Variants in LDLRAD3 observed in about 807,000 individuals in gnomAD.
LDLRAD3 encodes the protein low-density lipoprotein receptor class A domain-containing protein 3.
A neutral mutation model predicts 29.4 loss-of-function variants in LDLRAD3; 20 were observed. That is an observed-to-expected ratio of 0.68 (90% CI 0.48 to 0.99). The LOEUF (loss-of-function observed/expected upper bound fraction) is 0.99, where lower values mean the gene tolerates loss of function less well. Ranked by LOEUF, LDLRAD3 falls within the 50% of genes least tolerant of loss-of-function variation. LDLRAD3 has a pLI of 0.00. For missense variants in LDLRAD3, 420 were observed against 454.3 expected (o/e 0.92, Z 0.69); for synonymous variants, 157 against 192.7 (o/e 0.81, Z 1.53).
rs575229737 is a variant in LDLRAD3, at chr11:36,173,342, C to G, written c.455-53743C>G. ...CTAATGCTATCCCTCCCCCCTCCCC[C>G]CACCCCACAACAGGCCCAGGTGTGT... On this transcript the variant is annotated intron_variant, in intron 4 of 5. Transcript: ENST00000315571. 9.0e-4 allele frequency among the ~76,000 whole-genome samples: 106 copies of G among 118,154 alleles called. 3 individuals are homozygous for G. Among genetic ancestry groups the G allele is most frequent in the African/African-American group, 3.4e-3 (104 of 30,680 alleles). The allele number at this position is 118,154 out of a possible 152,430, so 77.5% of individuals were successfully genotyped here.
chr11:35,948,978 G>A (rs1421138455), intron 1 of LDLRAD3, among the ~76,000 whole-genome samples: 1 of 151,912 alleles, frequency 6.6e-6, no homozygotes, highest in Non-Finnish European at 1.5e-5. Flanking sequence ...ATGAGCAAGT[G>A]TCCTTGCCAT....
chr11:36,196,301 TGAGA>T (rs1384477489), intron 4 of LDLRAD3: 14 of 152,016 alleles, frequency 9.2e-5, no homozygotes, highest in African/African-American at 3.1e-4. Context: ...GACTAGAAGG[TGAGA>T]GAGAAAGAGA....
At chr11:36,043,539 G>A (rs1207195937) in intron 2 of LDLRAD3, among the ~76,000 whole-genome samples, 1 of 152,202 alleles carries the variant, frequency 6.6e-6, no homozygotes, top group East Asian at 1.9e-4. Context: ...GGGTCCTTGT[G>A]GATGTAATTA....
Position 35,956,646 on chromosome 11 carries a change from C to T in LDLRAD3, c.46+12502C>T, listed in dbSNP as rs554810444. On this transcript the variant is annotated intron_variant, in intron 1 of 5. Coordinates refer to ENST00000315571, the MANE Select transcript of LDLRAD3 (RefSeq NM_174902.4). ...AAACTTTTTAAATCCATCACATCTT[C>T]GTCTGTTAATAGGTATAATAATGGT... Among the ~76,000 whole-genome samples the T allele has an allele frequency of 3.4e-3, 518 of 152,272 alleles. 4 individuals carry two copies. The highest frequency in any genetic ancestry group is 4.3e-3 in the Non-Finnish European group (291 of 68,014).
intron 4 of LDLRAD3, among the ~76,000 whole-genome samples, chr11:36,193,421 T>G (rs1305702642): frequency 6.6e-6 from 1 of 152,178 alleles, no homozygotes; most frequent in African/African-American, 2.4e-5. Context: ...AGAACAATTT[T>G]ACATCAACAC....
intron 1 of LDLRAD3, among the ~76,000 whole-genome samples, chr11:36,013,549 C>T (rs1851982175): frequency 7.0e-6 from 1 of 141,946 alleles, no homozygotes; most frequent in Non-Finnish European, 1.5e-5. Context: ...TGAGTGAGAA[C>T]ATGTGGTGTT....
chr11:36,036,410 A>G (rs1852305564), intron 2 of LDLRAD3, among the ~76,000 whole-genome samples, 161 bp downstream of exon 2: 1 of 151,990 alleles, frequency 6.6e-6, no homozygotes, highest in East Asian at 1.9e-4. Flanking sequence ...TCTCCATCTC[A>G]GAGTCACATG....
At chr11:36,077,865 G>T (rs1853041311) in intron 2 of LDLRAD3, among the ~76,000 whole-genome samples, 1 of 152,196 alleles carries the variant, frequency 6.6e-6, no homozygotes, top group Admixed American at 6.5e-5. Flanking sequence ...CCCTGTTTGT[G>T]TTATAGCTCT....
intron 2 of LDLRAD3, among the ~76,000 whole-genome samples, chr11:36,076,222 GTCCATCCATCCATCCA>G (rs56767260): frequency 6.9e-5 from 10 of 145,402 alleles, no homozygotes; most frequent in African/African-American, 1.5e-4. Flanking sequence ...CTGTCCATCC[GTCCATCCATCCATCCA>G]TCCATCCATC....
chr11:36,008,086 A>G (rs562765498), intron 1 of LDLRAD3, among the ~76,000 whole-genome samples: 1 of 152,234 alleles, frequency 6.6e-6, no homozygotes, highest in East Asian at 1.9e-4. Context: ...TGTTATAAAT[A>G]TTAGATGCTT....
At chr11:36,053,508 C>T (rs149324561) in intron 2 of LDLRAD3, among the ~76,000 whole-genome samples, 4 of 152,192 alleles carry the variant, frequency 2.6e-5, no homozygotes, top group East Asian at 1.9e-4. Context: ...CTGTGTTGTA[C>T]GGCTGGGTAA....
intron 2 of LDLRAD3, among the ~76,000 whole-genome samples, chr11:36,041,293 G>A (rs1415014949): frequency 1.3e-5 from 2 of 152,134 alleles, no homozygotes; most frequent in Non-Finnish European, 2.9e-5. Context: ...ATTAGTAACC[G>A]GCTGGTGTCA....
chr11:36,052,419 C>T (rs529451750), intron 2 of LDLRAD3, among the ~76,000 whole-genome samples: 1 of 152,286 alleles, frequency 6.6e-6, no homozygotes, highest in East Asian at 1.9e-4. Context: ...GCAAGAGACA[C>T]CTGTCTGTTG....
At chr11:36,225,563 G>C (rs1855487248) in intron 4 of LDLRAD3, among the ~76,000 whole-genome samples, 1 of 152,122 alleles carries the variant, frequency 6.6e-6, no homozygotes. Flanking sequence ...TTGCCTGGCA[G>C]GTCTTATTCG....
intron 2 of LDLRAD3, among the ~76,000 whole-genome samples, chr11:36,075,483 A>G (rs1852982942): frequency 6.6e-6 from 1 of 152,186 alleles, no homozygotes; most frequent in Non-Finnish European, 1.5e-5. Flanking sequence ...CTGAGGTGGT[A>G]TCTACCAAGT....
chr11:36,162,342 T>C (rs1400490090), intron 4 of LDLRAD3, among the ~76,000 whole-genome samples: 1 of 152,260 alleles, frequency 6.6e-6, no homozygotes, highest in African/African-American at 2.4e-5. Context: ...GCATGTCCGA[T>C]CTTCCTTGAG....
chr11:36,104,807 T>C (rs1267056247), intron 4 of LDLRAD3, among the ~76,000 whole-genome samples: 2 of 152,154 alleles, frequency 1.3e-5, no homozygotes, highest in East Asian at 3.8e-4. Flanking sequence ...GACAGACTCA[T>C]GTTTTTCATC....
intron 3 of LDLRAD3, among the ~76,000 whole-genome samples, chr11:36,097,213 CT>C (rs960380840): frequency 6.6e-6 from 1 of 152,140 alleles, no homozygotes; most frequent in Admixed American, 6.5e-5. Context: ...GGTTCATGGG[CT>C]TTTTTGTTTG....
At chr11:36,184,710 A>C (rs1854820189) in intron 4 of LDLRAD3, among the ~76,000 whole-genome samples, 1 of 152,212 alleles carries the variant, frequency 6.6e-6, no homozygotes, top group African/African-American at 2.4e-5. Flanking sequence ...TCCATGGTGA[A>C]TAAATCCTTC....
Sources: allele counts gnomAD v4.1 joint callset (sites outside exome capture counted in the v4.1 genomes callset), GRCh38; gene constraint gnomAD v4.1.1; transcripts MANE v1.5; gene names NCBI Gene and HGNC (gene_info 2026-07-23, HGNC 2026-07-21).